The following BRMS1L variants were observed in gnomAD, a reference collection of about 807,000 sequenced individuals.
BRMS1L encodes breast cancer metastasis-suppressor 1-like protein.
A neutral mutation model predicts 50.3 loss-of-function variants in BRMS1L; 23 were observed. That is an observed-to-expected ratio of 0.46 (90% CI 0.33 to 0.65). The LOEUF (loss-of-function observed/expected upper bound fraction) is 0.65. BRMS1L is among the 30% of genes least tolerant of loss of function. BRMS1L has a pLI of 0.02. For missense variants in BRMS1L, 286 were observed against 386.1 expected (o/e 0.74, Z 2.17); for synonymous variants, 114 against 126.9 (o/e 0.90, Z 0.69).
rs772880633 is a variant in BRMS1L at position 35,864,963 on chromosome 14, T to C, written c.651T>C (p.Asp217=). ...SGPYIVYMLQ[D]LDILEDWTTI... is the part of the protein sequence containing the mutation. Reference sequence around the variant, plus strand: ...CATATATAGTTTATATGCTACAAGATCTTGATATTCTTGAAGACTGGACAA... The same window carrying C: ...CATATATAGTTTATATGCTACAAGACCTTGATATTCTTGAAGACTGGACAA... Residue 217 remains aspartate, a synonymous_variant, in exon 7 of 10, where the codon GAT becomes GAC. Coordinates refer to ENST00000216807, the MANE Select transcript of BRMS1L (RefSeq NM_032352.4). 5 of 1,584,660 alleles carry C rather than the reference T, an allele frequency of 3.2e-6. No individual in the cohort carries two copies. In the South Asian group the frequency reaches 4.7e-5, roughly 15 times the overall value.
In BRMS1L at chr14:35,842,592, C is replaced by G. The variant is rs191212558; in HGVS notation, c.441+7669C>G. 1.6e-3 allele frequency among the ~76,000 whole-genome samples: 243 copies of G among 152,304 alleles called. 6 individuals carry two copies. Among genetic ancestry groups the G allele is most frequent in the Admixed American group, 0.016 (239 of 15,292 alleles). Reference sequence around the variant, plus strand: ...CCTTTGTGGGTAATCTGACCTTTCTCTCTGGCTGCCCTTAACATTTTTTCC... The same window carrying G: ...CCTTTGTGGGTAATCTGACCTTTCTGTCTGGCTGCCCTTAACATTTTTTCC... On this transcript the variant is annotated intron_variant, in intron 4 of 9. Transcript: ENST00000216807.
intron 1 of BRMS1L, among the ~76,000 whole-genome samples, chr14:35,830,173 G>A (rs2077900600): frequency 6.6e-6 from 1 of 152,216 alleles, no homozygotes; most frequent in South Asian, 2.1e-4. Flanking sequence ...GGGTTCAAGC[G>A]ATTCTCCTGC....
chr14:35,866,495 G>A (rs2078423328), intron 8 of BRMS1L, among the ~76,000 whole-genome samples: 1 of 152,140 alleles, frequency 6.6e-6, no homozygotes, highest in Admixed American at 6.5e-5. Flanking sequence ...CTTGAGCCCA[G>A]GAGTTTGAGA....
chr14:35,833,699 G>C (rs2077955880), intron 3 of BRMS1L, among the ~76,000 whole-genome samples: 1 of 151,976 alleles, frequency 6.6e-6, no homozygotes, highest in Admixed American at 6.6e-5. Flanking sequence ...TCATGTCCTG[G>C]CACTCATAAT....
chr14:35,841,591 C>G (rs963991681), intron 4 of BRMS1L, among the ~76,000 whole-genome samples: 1 of 152,164 alleles, frequency 6.6e-6, no homozygotes, highest in African/African-American at 2.4e-5. Context: ...GCCACCGTGC[C>G]TGGGCTATGT....
intron 4 of BRMS1L, among the ~76,000 whole-genome samples, chr14:35,840,360 GT>G (rs893834726): frequency 2.0e-5 from 3 of 152,164 alleles, no homozygotes; most frequent in African/African-American, 4.8e-5. Context: ...CCAAATTTTG[GT>G]ATCAGGATGA....
chr14:35,866,650 A>G (rs1000773086), intron 8 of BRMS1L, among the ~76,000 whole-genome samples: 5 of 152,156 alleles, frequency 3.3e-5, no homozygotes, highest in Admixed American at 1.3e-4. Flanking sequence ...GGCTCCAGTG[A>G]GCCATGATCA....
intron 2 of BRMS1L, 70 bp from the exon 3 acceptor site, chr14:35,832,908 T>C (rs565742753): frequency 7.2e-7 from 1 of 1,387,306 alleles, no homozygotes; most frequent in East Asian, 2.3e-5. Flanking sequence ...ACAAATAATG[T>C]ATAGAAATGG....
chr14:35,851,840 A>G (rs1037810809), intron 4 of BRMS1L, among the ~76,000 whole-genome samples: 1 of 152,168 alleles, frequency 6.6e-6, no homozygotes, highest in African/African-American at 2.4e-5. Flanking sequence ...GCTCAAAGAG[A>G]TATGTGCACT....
chr14:35,852,679 C>T (rs2078226563), intron 4 of BRMS1L, among the ~76,000 whole-genome samples: 2 of 152,096 alleles, frequency 1.3e-5, no homozygotes, highest in South Asian at 2.1e-4. Context: ...CGCCTGTAAT[C>T]CCAGCACTTT....
chr14:35,826,453 C>T lies in BRMS1L; in HGVS notation c.-64C>T, dbSNP rs1011405532. 6.5e-7 allele frequency: 1 copy of T among 1,548,202 alleles called. No individual in the cohort carries two copies. The highest frequency in any genetic ancestry group is 2.0e-5 in the Admixed American group (1 of 50,844). ...GGTGGGTTGGGGCGTTCCGCGCGCC[C>T]TTCATTGAAGCGGCGGTGGCCGGGC... On this transcript the variant is annotated 5_prime_UTR_variant, in exon 1 of 10. Transcript: ENST00000216807.
rs550891766 is a variant in BRMS1L at position 35,846,090 on chromosome 14, C to G, written c.441+11167C>G. 9.5e-4 allele frequency among the ~76,000 whole-genome samples: 145 copies of G among 152,194 alleles called. 1 individual carries two copies. The highest frequency in any genetic ancestry group is 1.7e-3 in the Non-Finnish European group (114 of 67,992). On this transcript the variant is annotated intron_variant, in intron 4 of 9. Transcript: ENST00000216807. ...TTTTACATAACCAAAGTATAGTCAT[C>G]AAAGTCAGGAAATGCGTTGGGTGCA...
rs752915922 is a variant in BRMS1L at position 35,845,764 on chromosome 14, T to C, written c.441+10841T>C. The stretch of plus-strand genomic sequence containing the variant: ...ATACACACACACACATTTTTTAGAA[T>C]TGGGGGGTTTTACTGGGTTGCCCAG... On this transcript the variant is annotated intron_variant, in intron 4 of 9. Transcript: ENST00000216807. Among the ~76,000 whole-genome samples the C allele has an allele frequency of 1.2e-4, 18 of 152,022 alleles. 1 individual carries two copies. Among genetic ancestry groups the C allele is most frequent in the Non-Finnish European group, 1.6e-4 (11 of 68,004 alleles).
intron 4 of BRMS1L, among the ~76,000 whole-genome samples, chr14:35,859,255 T>C (rs956620067): frequency 6.6e-6 from 1 of 152,134 alleles, no homozygotes; most frequent in Non-Finnish European, 1.5e-5. Flanking sequence ...ATCCTACCCG[T>C]ATTCAAGAAA....
At chr14:35,846,429 A>T (rs2078135610) in intron 4 of BRMS1L, among the ~76,000 whole-genome samples, 1 of 151,638 alleles carries the variant, frequency 6.6e-6, no homozygotes. Context: ...ATCAGACCAC[A>T]TGTTGTCATT....
At chr14:35,854,978 C>T (rs552894982) in intron 4 of BRMS1L, among the ~76,000 whole-genome samples, 1 of 152,342 alleles carries the variant, frequency 6.6e-6, no homozygotes, top group South Asian at 2.1e-4. Context: ...CTTTTCCCCC[C>T]CTCTTACTGC....
chr14:35,828,167 C>T (rs78426663), intron 1 of BRMS1L, among the ~76,000 whole-genome samples: 1 of 149,286 alleles, frequency 6.7e-6, no homozygotes, highest in South Asian at 2.1e-4. Context: ...AGACATGTTG[C>T]TTTTTTTTTT....
chr14:35,832,480 T>C (rs2077934440), intron 2 of BRMS1L, among the ~76,000 whole-genome samples: 1 of 147,266 alleles, frequency 6.8e-6, no homozygotes, highest in South Asian at 2.1e-4. Flanking sequence ...CACTCCAGCC[T>C]GGGTGACGGA....
chr14:35,866,129 G>C (rs1368336678), intron 8 of BRMS1L: 1 of 176,462 alleles, frequency 5.7e-6, no homozygotes, highest in African/African-American at 2.4e-5. Flanking sequence ...TTCTGCATGT[G>C]CATTTTCTGA....
Sources: allele counts gnomAD v4.1 joint callset (sites outside exome capture counted in the v4.1 genomes callset), GRCh38; gene constraint gnomAD v4.1.1; transcripts MANE v1.5; gene names NCBI Gene and HGNC (gene_info 2026-07-23, HGNC 2026-07-21).